Variants in AUH observed in about 807,000 individuals in gnomAD.
The protein encoded by AUH is methylglutaconyl-CoA hydratase, mitochondrial.
In AUH, 29 loss-of-function variants were observed where a neutral mutation model predicts 42.3. The observed-to-expected ratio is 0.69, with a 90% CI of 0.51 to 0.93. The LOEUF (loss-of-function observed/expected upper bound fraction) is 0.93, where lower values mean the gene tolerates loss of function less well. Ranked by LOEUF, AUH falls within the 40% of genes least tolerant of loss-of-function variation. AUH has a pLI of 0.00. For missense variants in AUH, 452 were observed against 438.1 expected (o/e 1.03, Z -0.28); for synonymous variants, 174 against 166.4 (o/e 1.05, Z -0.35).
chr9:91,319,917 C>T (rs1244030550), intron 4 of AUH, among the ~76,000 whole-genome samples: 1 of 152,184 alleles, frequency 6.6e-6, no homozygotes, highest in Non-Finnish European at 1.5e-5. Context: ...TGCTCTAGAG[C>T]TCTTTAACAA....
chr9:91,223,430 C>T (rs1004268315), intron 6 of AUH, among the ~76,000 whole-genome samples: 1 of 151,994 alleles, frequency 6.6e-6, no homozygotes. Flanking sequence ...GAATAACATT[C>T]CATTGTACGT....
chr9:91,323,796 T>G (rs1356502110), intron 4 of AUH, among the ~76,000 whole-genome samples: 1 of 151,774 alleles, frequency 6.6e-6, no homozygotes, highest in East Asian at 1.9e-4. Flanking sequence ...TGAAAGACAT[T>G]AAAAAAATGA....
At chr9:91,289,487 G>A (rs1300254509) in intron 6 of AUH, among the ~76,000 whole-genome samples, 1 of 152,156 alleles carries the variant, frequency 6.6e-6, no homozygotes, top group Non-Finnish European at 1.5e-5. Flanking sequence ...GCTCATACAA[G>A]CTTCTATAAT....
At chr9:91,232,301 A>C (rs982890113) in intron 6 of AUH, among the ~76,000 whole-genome samples, 4 of 152,170 alleles carry the variant, frequency 2.6e-5, no homozygotes, top group African/African-American at 9.7e-5. Flanking sequence ...TGAGCCTAGG[A>C]AGTGGATGCT....
At chr9:91,252,400 C>A (rs1829182720) in intron 6 of AUH, among the ~76,000 whole-genome samples, 1 of 152,084 alleles carries the variant, frequency 6.6e-6, no homozygotes, top group Non-Finnish European at 1.5e-5. Flanking sequence ...ATATCTAGTT[C>A]TTATTATGTG....
intron 6 of AUH, among the ~76,000 whole-genome samples, chr9:91,254,332 T>G (rs1213785343): frequency 2.6e-5 from 4 of 152,030 alleles, no homozygotes; most frequent in African/African-American, 7.2e-5. Context: ...CAAGAAGGCC[T>G]CTCCCAACAA....
At chr9:91,300,400 A>G (rs1207598795) in intron 4 of AUH, among the ~76,000 whole-genome samples, 3 of 151,862 alleles carry the variant, frequency 2.0e-5, no homozygotes, top group African/African-American at 7.3e-5. Flanking sequence ...AGTTAGTAGC[A>G]CCTCCATTCA....
chr9:91,312,852 G>A (rs1828813795), intron 4 of AUH, among the ~76,000 whole-genome samples: 1 of 152,180 alleles, frequency 6.6e-6, no homozygotes, highest in African/African-American at 2.4e-5. Flanking sequence ...AAGCAGGCCC[G>A]TAAGTACTGT....
intron 3 of AUH, among the ~76,000 whole-genome samples, chr9:91,353,259 T>C (rs1413928250): frequency 6.6e-6 from 1 of 152,050 alleles, no homozygotes; most frequent in East Asian, 1.9e-4. Context: ...GAAAATTTTT[T>C]GTATTTTTAG....
At chr9:91,242,537 G>A (rs1828577598) in intron 6 of AUH, among the ~76,000 whole-genome samples, 1 of 152,116 alleles carries the variant, frequency 6.6e-6, no homozygotes, top group Non-Finnish European at 1.5e-5. Flanking sequence ...AATCCTTTTG[G>A]AAAGCTCAAC....
At chr9:91,319,820 C>CAT (rs1403232521) in intron 4 of AUH, among the ~76,000 whole-genome samples, 2 of 152,220 alleles carry the variant, frequency 1.3e-5, no homozygotes, top group Admixed American at 1.3e-4. Context: ...AGAATGCCAA[C>CAT]ATATAAAACC....
intron 6 of AUH, among the ~76,000 whole-genome samples, chr9:91,271,854 G>A (rs993168224): frequency 9.2e-5 from 14 of 152,128 alleles, no homozygotes; most frequent in African/African-American, 3.4e-4. Context: ...CTAATTCTTT[G>A]TATTTTTAGT....
At chr9:91,356,229 T>C (rs185264779) in intron 1 of AUH, 74 bp from the exon 2 acceptor site, 4 of 1,187,290 alleles carry the variant, frequency 3.4e-6, no homozygotes, top group Admixed American at 3.5e-5. Context: ...ACATCACACA[T>C]CTAGCTAGCT....
chr9:91,313,789 G>C (rs1191745364), intron 4 of AUH, among the ~76,000 whole-genome samples: 1 of 150,794 alleles, frequency 6.6e-6, no homozygotes, highest in Non-Finnish European at 1.5e-5. Context: ...AAGAAAGATG[G>C]AGGCCTCTGT....
chr9:91,251,318 T>A (rs2131387637), intron 6 of AUH, among the ~76,000 whole-genome samples: 1 of 152,302 alleles, frequency 6.6e-6, no homozygotes, highest in South Asian at 2.1e-4. Context: ...AAGCTGAAAC[T>A]AATCTTTCTC....
At chr9:91,327,876 C>CT (rs1314181424) in intron 3 of AUH, among the ~76,000 whole-genome samples, 1 of 152,204 alleles carries the variant, frequency 6.6e-6, no homozygotes, top group African/African-American at 2.4e-5. Context: ...TGGGTGACAC[C>CT]ACATTCCCCT....
intron 6 of AUH, among the ~76,000 whole-genome samples, chr9:91,273,288 A>G (rs976682056): frequency 6.6e-6 from 1 of 152,192 alleles, no homozygotes; most frequent in Non-Finnish European, 1.5e-5. Flanking sequence ...AAACACACAC[A>G]TGCACACAAA....
intron 6 of AUH, among the ~76,000 whole-genome samples, chr9:91,258,326 T>G (rs1829520223): frequency 6.6e-6 from 1 of 150,490 alleles, no homozygotes; most frequent in Non-Finnish European, 1.5e-5. Flanking sequence ...AACCTCCACC[T>G]CCTGGGTTAA....
intron 6 of AUH, among the ~76,000 whole-genome samples, chr9:91,282,776 C>G (rs532815953): frequency 6.6e-6 from 1 of 152,162 alleles, no homozygotes; most frequent in South Asian, 2.1e-4. Context: ...AAGCTGAATC[C>G]CTGAATAGAC....
Sources: allele counts gnomAD v4.1 joint callset (sites outside exome capture counted in the v4.1 genomes callset), GRCh38; gene constraint gnomAD v4.1.1; transcripts MANE v1.5; gene names NCBI Gene and HGNC (gene_info 2026-07-23, HGNC 2026-07-21).